Variants in USP25 observed in about 807,000 individuals in gnomAD.
USP25 encodes ubiquitin carboxyl-terminal hydrolase 25.
A neutral mutation model predicts 158.5 loss-of-function variants in USP25; 85 were observed. The ratio of observed to expected loss-of-function variants is 0.54; its 90% confidence interval spans 0.45 to 0.64. USP25 has a LOEUF of 0.64. Ranked by LOEUF, USP25 falls within the 30% of genes least tolerant of loss-of-function variation. USP25 has a pLI of 0.00. For synonymous variants in USP25, 464 were observed against 460.4 expected (o/e 1.01, Z -0.10); for missense variants, 1,242 against 1,327.3 (o/e 0.94, Z 1.00).
At chr21:15,878,072 T>C in intron 25 of USP25, 81 bp downstream of exon 25, 1 of 1,176,682 alleles carries the variant, frequency 8.5e-7, no homozygotes, top group South Asian at 1.7e-5. Context: ...ATTCTTGCCA[T>C]TTTTTATATT....
chr21:15,833,875 CTAAAGCTATCAAGAGTATCAATTCAA>C (rs1414422937), intron 17 of USP25, among the ~76,000 whole-genome samples: 107 of 152,190 alleles, frequency 7.0e-4, no homozygotes, highest in East Asian at 3.5e-3. Flanking sequence ...AACCAATTCA[CTAAAGCTATCAAGAGTATCAATTCAA>C]TAAAGCTATC....
At chr21:15,778,667 T>C (rs1201309900) in intron 4 of USP25, among the ~76,000 whole-genome samples, 1 of 152,142 alleles carries the variant, frequency 6.6e-6, no homozygotes, top group Non-Finnish European at 1.5e-5. Flanking sequence ...CTTTGTAGTT[T>C]GAAACAGTTT....
At chr21:15,755,809 AT>A (rs1301670462) in intron 1 of USP25, among the ~76,000 whole-genome samples, 1 of 152,224 alleles carries the variant, frequency 6.6e-6, no homozygotes, top group African/African-American at 2.4e-5. Context: ...TACAAAAAAA[AT>A]ATGAGGCTCT....
chr21:15,831,265 C>G, intron 15 of USP25, 136 bp from the exon 16 acceptor site: 1 of 726,014 alleles, frequency 1.4e-6, no homozygotes, highest in Non-Finnish European at 2.2e-6. Context: ...ACTTTTAAGC[C>G]CAGCCAGTTC....
intron 20 of USP25, among the ~76,000 whole-genome samples, chr21:15,859,761 A>C (rs1351697099): frequency 6.6e-6 from 1 of 151,922 alleles, no homozygotes; most frequent in African/African-American, 2.4e-5. Flanking sequence ...GTTATTCTTC[A>C]AGAAATTTTA....
chr21:15,778,058 A>G (rs2034760009), intron 4 of USP25, 31 bp downstream of exon 4: 3 of 1,513,030 alleles, frequency 2.0e-6, no homozygotes, highest in Admixed American at 2.3e-5. Flanking sequence ...AAGCAGATAT[A>G]AGTACTTTTA....
Position 15,766,841 on chromosome 21 carries a change from CA to C in USP25, c.268+703del, listed in dbSNP as rs956830288. 1.8e-4 allele frequency among the ~76,000 whole-genome samples: 28 copies of C among 151,992 alleles called. No individual in the cohort carries two copies. The highest frequency in any genetic ancestry group is 6.0e-4 in the African/African-American group (25 of 41,480). On this transcript the variant is annotated intron_variant, in intron 3 of 25. Transcript: ENST00000400183. The surrounding 1 kb of genome is among the most constrained non-coding windows in gnomAD (Gnocchi z 4.0). ...GTTACTTTTATGCCTTATGGATTTG[CA>C]AAGTTTGATTATTAACATATATTTG...
intron 9 of USP25, among the ~76,000 whole-genome samples, chr21:15,812,017 T>A (rs953305149): frequency 1.4e-4 from 21 of 152,088 alleles, no homozygotes; most frequent in African/African-American, 4.8e-4. Flanking sequence ...AAAAAGACAA[T>A]ACTAACTCAG....
At chr21:15,779,455 A>T (rs981889715) in intron 4 of USP25, among the ~76,000 whole-genome samples, 1 of 151,968 alleles carries the variant, frequency 6.6e-6, no homozygotes, top group African/African-American at 2.4e-5. Flanking sequence ...TATTATTTTT[A>T]AAATTATATT....
rs34923569 is a variant in USP25 at position 15,827,765 on chromosome 21, C to CGTGTGTGTGT, written c.1693+593_1693+602dup. On this transcript the variant is annotated intron_variant, in intron 14 of 25. Coordinates refer to ENST00000400183, the MANE Select transcript of USP25 (RefSeq NM_001283041.3). ...GGGTGTGTGCACTTGTGTGCGTGTG[C>CGTGTGTGTGT]GTGTGTGTGTGTGTGTGTGTGTGTG... is the stretch of plus-strand genomic sequence containing the variant. Among the ~76,000 whole-genome samples, 190 of 136,910 alleles carry CGTGTGTGTGT rather than the reference C, an allele frequency of 1.4e-3. 2 individuals carry two copies. Among genetic ancestry groups the CGTGTGTGTGT allele is most frequent in the Non-Finnish European group, 2.4e-3 (145 of 60,806 alleles). 89.8% of individuals were successfully genotyped at this position (136,910 alleles called of 152,430 possible). A position where few individuals can be genotyped will look rare whatever the true frequency, so the allele number is the denominator to read the frequency against.
chr21:15,874,422 T>C lies in USP25; in HGVS notation c.2905T>C (p.Phe969Leu). The part of the protein sequence containing the change: ...QRESYIDSLL[F>L]LICAYQNNKE... ...TTCAAGTTATATAGATTCCTTGCTG[T>C]TCCTCATCTGTGCTTATCAGAATAA... The change falls in exon 24 of 26, where the codon TTC becomes CTC. Residue 969 changes from phenylalanine to leucine, a missense_variant. Around this residue, in one of 3 missense-constraint regions of USP25, gnomAD observed 608 missense variants for 605.2 expected, o/e 1.00. Coordinates refer to ENST00000400183, the MANE Select transcript of USP25 (RefSeq NM_001283041.3). 1 of 1,606,982 alleles carries C rather than the reference T, an allele frequency of 6.2e-7. No individual in the cohort carries two copies. Among genetic ancestry groups the C allele is most frequent in the Admixed American group, 1.7e-5 (1 of 58,704 alleles).
intron 9 of USP25, among the ~76,000 whole-genome samples, chr21:15,811,446 T>A (rs1186858317): frequency 1.3e-5 from 2 of 152,156 alleles, no homozygotes; most frequent in East Asian, 3.8e-4. Context: ...CCTCATGTTT[T>A]TTCCAGTGAG....
Position 15,858,474 on chromosome 21 carries a change from C to G in USP25, c.2548-5794C>G, listed in dbSNP as rs2039265411. ...CATTTACTTCCATTTTTTTTTTAAC[C>G]AGGTTATTGAAAGGGTAGGTAACGG... On this transcript the variant is annotated intron_variant, in intron 20 of 25. Transcript: ENST00000400183. 3.3e-5 allele frequency among the ~76,000 whole-genome samples: 5 copies of G among 150,268 alleles called. No homozygotes were observed. The South Asian group carries it at 1.0e-3, about 31-fold the overall frequency.
chr21:15,770,107 A>T (rs1351243970), intron 3 of USP25, among the ~76,000 whole-genome samples: 5 of 152,236 alleles, frequency 3.3e-5, no homozygotes, highest in Middle Eastern at 6.8e-3. Context: ...ACTGTGATAA[A>T]TAGATCCAAT....
rs1488685424 is a variant in USP25 at position 15,843,957 on chromosome 21, T to G, written c.2337+1417T>G. On this transcript the variant is annotated intron_variant, in intron 18 of 25. Transcript: ENST00000400183. The surrounding 1 kb of genome is among the most constrained non-coding windows in gnomAD (Gnocchi z 4.0). ...TTGGAAAATCATATGGAATTTAAAT[T>G]TGCAGAAGTCAGCTAAATTTTGATT... Among the ~76,000 whole-genome samples the G allele has an allele frequency of 1.3e-5, 2 of 152,152 alleles. No individual in the cohort carries two copies. Among genetic ancestry groups the G allele is most frequent in the Non-Finnish European group, 2.9e-5 (2 of 67,998 alleles).
chr21:15,819,617 A>G (rs2037126761), intron 10 of USP25, among the ~76,000 whole-genome samples: 1 of 152,184 alleles, frequency 6.6e-6, no homozygotes. Context: ...AACTGCATAC[A>G]TAATACTTAT....
Position 15,847,313 on chromosome 21 carries a change from A to G in USP25, c.2338-350A>G, listed in dbSNP as rs2038668298. Among the ~76,000 whole-genome samples the G allele has an allele frequency of 5.9e-5, 9 of 152,186 alleles. No homozygotes were observed. The South Asian group carries it at 1.7e-3, about 28-fold the overall frequency. ...CCACTATTTTTTATCTTAAGTACTT[A>G]AAGTTCTAAATACTTTCAGGGAAAA... On this transcript the variant is annotated intron_variant, in intron 18 of 25. Coordinates refer to ENST00000400183, the MANE Select transcript of USP25 (RefSeq NM_001283041.3).
intron 22 of USP25, among the ~76,000 whole-genome samples, chr21:15,867,564 A>G (rs1325651241): frequency 1.3e-5 from 2 of 152,168 alleles, no homozygotes; most frequent in Non-Finnish European, 2.9e-5. Flanking sequence ...GAAAAGTAAA[A>G]TACTGGAAAA....
chr21:15,835,553 C>T (rs1333515644), intron 17 of USP25, among the ~76,000 whole-genome samples: 2 of 152,070 alleles, frequency 1.3e-5, no homozygotes, highest in African/African-American at 4.8e-5. Context: ...AAATGCAGTA[C>T]TAGGTATTGG....
Sources: gnomAD v4.1 joint callset for allele counts (sites outside exome capture counted in the v4.1 genomes callset) on GRCh38, gnomAD v4.1.1 for gene constraint, gnomAD v4.1.1 regional missense constraint, Gnocchi (gnomAD v3.1) non-coding constraint, MANE v1.5 for transcripts, NCBI Gene and HGNC (gene_info 2026-07-23, HGNC 2026-07-21) for gene names.